The following MAGI1 variants were observed in gnomAD, a reference collection of about 807,000 sequenced individuals.
MAGI1 encodes membrane associated guanylate kinase, WW and PDZ domain containing 1.
In MAGI1, 58 loss-of-function variants were observed where a neutral mutation model predicts 139.9. The ratio of observed to expected loss-of-function variants is 0.41; its 90% CI spans 0.34 to 0.52. The LOEUF (loss-of-function observed/expected upper bound fraction) is 0.52. MAGI1 is among the 20% of genes least tolerant of loss of function. The pLI is 0.12. For missense variants in MAGI1, 1,874 were observed against 1,901.6 expected (o/e 0.99, Z 0.27); for synonymous variants, 812 against 737.9 (o/e 1.10, Z -1.63).
intron 1 of MAGI1, among the ~76,000 whole-genome samples, chr3:65,869,364 TTTTTTG>T (rs1462683981): frequency 0.098 from 11,321 of 115,768 alleles, 513 homozygotes; most frequent in Middle Eastern, 0.15. Context: ...GCAAGACTGG[TTTTTTG>T]TTGTTGTTGT....
intron 2 of MAGI1, chr3:65,549,489 C>A (rs1257048621): frequency 1.0e-5 from 10 of 985,220 alleles, no homozygotes; most frequent in Non-Finnish European, 1.1e-5. Flanking sequence ...CCCGCCTCAT[C>A]CCCGCGCGTC....
intron 3 of MAGI1, among the ~76,000 whole-genome samples, chr3:65,481,421 T>A (rs1181835723): frequency 2.6e-5 from 4 of 152,212 alleles, no homozygotes; most frequent in Non-Finnish European, 5.9e-5. Flanking sequence ...GACTCTTTAG[T>A]GAAGTTTAGG....
At chr3:65,935,176 A>T (rs1262118283) in intron 1 of MAGI1, among the ~76,000 whole-genome samples, 1 of 152,214 alleles carries the variant, frequency 6.6e-6, no homozygotes, top group Non-Finnish European at 1.5e-5. Context: ...AGCTAGAAAA[A>T]ACAGGCAAGA....
At chr3:65,743,731 G>A (rs2035466023) in intron 1 of MAGI1, among the ~76,000 whole-genome samples, 1 of 151,320 alleles carries the variant, frequency 6.6e-6, no homozygotes, top group Non-Finnish European at 1.5e-5. Flanking sequence ...AAGTCTAAAA[G>A]AAAAGTCTAT....
intron 1 of MAGI1, among the ~76,000 whole-genome samples, chr3:65,853,546 G>A (rs915000905): frequency 7.2e-5 from 11 of 152,080 alleles, no homozygotes; most frequent in Admixed American, 2.0e-4. Flanking sequence ...GTATCAAAAC[G>A]TATTCATTTC....
chr3:65,777,523 C>G (rs552689207), intron 1 of MAGI1, among the ~76,000 whole-genome samples: 19 of 151,714 alleles, frequency 1.3e-4, no homozygotes, highest in Middle Eastern at 3.4e-3. Context: ...CCTGTAATTC[C>G]AGCACTTTGG....
At chr3:65,754,914 T>C (rs1367737392) in intron 1 of MAGI1, among the ~76,000 whole-genome samples, 2 of 152,116 alleles carry the variant, frequency 1.3e-5, no homozygotes, top group African/African-American at 4.8e-5. Context: ...ATTAAATAAC[T>C]GTTACACCAC....
chr3:65,437,599 T>C (rs376705271), intron 9 of MAGI1, among the ~76,000 whole-genome samples: 17 of 152,292 alleles, frequency 1.1e-4, no homozygotes, highest in African/African-American at 4.1e-4. Context: ...TGAGCTGGGC[T>C]GCTGAGGCCA....
chr3:65,842,174 A>G (rs887371630), intron 1 of MAGI1, among the ~76,000 whole-genome samples: 1 of 152,176 alleles, frequency 6.6e-6, no homozygotes, highest in African/African-American at 2.4e-5. Flanking sequence ...CTAGAGAGCA[A>G]GAAGAAACTG....
At chr3:65,600,736 G>C (rs1338360523) in intron 2 of MAGI1, among the ~76,000 whole-genome samples, 1 of 152,210 alleles carries the variant, frequency 6.6e-6, no homozygotes, top group African/African-American at 2.4e-5. Flanking sequence ...GGCAATTTTT[G>C]AGAAATAACT....
At chr3:65,399,896 C>T (rs1478690786) in intron 13 of MAGI1, among the ~76,000 whole-genome samples, 1 of 152,292 alleles carries the variant, frequency 6.6e-6, no homozygotes, top group East Asian at 1.9e-4. Flanking sequence ...TGCTACTTGA[C>T]GTCATGCTAC....
At chr3:66,015,842 T>C (rs569141267) in intron 1 of MAGI1, among the ~76,000 whole-genome samples, 10 of 152,362 alleles carry the variant, frequency 6.6e-5, no homozygotes, top group African/African-American at 1.2e-4. Context: ...TCAATCATTC[T>C]AGAACACTAA....
At chr3:65,724,986 A>AT (rs2033445473) in intron 1 of MAGI1, among the ~76,000 whole-genome samples, 1 of 152,190 alleles carries the variant, frequency 6.6e-6, no homozygotes, top group African/African-American at 2.4e-5. Context: ...AAGCCTAACC[A>AT]TATCAATCAC....
At chr3:65,436,175 C>A (rs1947835754) in intron 10 of MAGI1, among the ~76,000 whole-genome samples, 1 of 151,846 alleles carries the variant, frequency 6.6e-6, no homozygotes, top group Non-Finnish European at 1.5e-5. Context: ...CAATTTCTTT[C>A]TTATGAAAAT....
chr3:66,037,437 G>T (rs186387944), intron 1 of MAGI1, among the ~76,000 whole-genome samples: 1 of 152,190 alleles, frequency 6.6e-6, no homozygotes, highest in East Asian at 1.9e-4. Flanking sequence ...TGCGTCATCC[G>T]GCTGAGGGGT....
intron 1 of MAGI1, among the ~76,000 whole-genome samples, chr3:65,722,932 T>C (rs2033206909): frequency 1.3e-5 from 2 of 151,766 alleles, no homozygotes; most frequent in South Asian, 2.1e-4. Flanking sequence ...AATACTACCT[T>C]TGATTTTTAT....
At chr3:65,556,439 G>C (rs564678974) in intron 2 of MAGI1, among the ~76,000 whole-genome samples, 45 of 152,246 alleles carry the variant, frequency 3.0e-4, no homozygotes, top group Non-Finnish European at 5.1e-4. Flanking sequence ...CTAATTTCAA[G>C]ATCAGTTCTG....
chr3:65,447,891 G>A (rs993028177), intron 7 of MAGI1, 131 bp downstream of exon 7: 10 of 1,063,552 alleles, frequency 9.4e-6, no homozygotes, highest in Non-Finnish European at 1.3e-5. Context: ...TCCTGGATAA[G>A]CTAGAATGAA....
intron 1 of MAGI1, among the ~76,000 whole-genome samples, chr3:65,972,875 T>C (rs1312753986): frequency 1.3e-5 from 2 of 152,210 alleles, no homozygotes; most frequent in Non-Finnish European, 2.9e-5. Context: ...GTTAAACATA[T>C]GAAAGACAGC....
Sources: allele counts gnomAD v4.1 joint callset (sites outside exome capture counted in the v4.1 genomes callset), GRCh38; gene constraint gnomAD v4.1.1; transcripts MANE v1.5; gene names NCBI Gene and HGNC (gene_info 2026-07-23, HGNC 2026-07-21).